Variants in RPSA2 observed in about 807,000 individuals in gnomAD.
The protein encoded by RPSA2 is small ribosomal subunit protein uS2B.
the RPSA2 span, chr19:23,808,928 G>T: frequency 3.3e-6 from 1 of 303,724 alleles, no homozygotes. Flanking sequence ...TTTCTGGAAA[G>T]CCTGAAATTT....
the RPSA2 span, among the ~76,000 whole-genome samples, chr19:23,762,195 C>T: frequency 7.1e-3 from 1,064 of 150,146 alleles, 14 homozygotes; most frequent in African/African-American, 0.025. Context: ...GGATTACAGG[C>T]GTGAGCCACC....
chr19:23,833,244 A>AG, the RPSA2 span: 1,160,416 of 1,165,770 alleles, frequency 1, 577,736 homozygotes, highest in East Asian at 1. Context: ...AATTTGGCAA[A>AG]CCTTTAATCC....
At chr19:23,758,842 G>A in the RPSA2 span, 15,842 of 1,573,354 alleles carry the variant, frequency 0.01, 90 homozygotes, top group Non-Finnish European at 0.012. Context: ...AGAAGAAGAG[G>A]ACACAGAGCA....
chr19:23,860,118 T>C, the RPSA2 span, among the ~76,000 whole-genome samples: 2 of 152,208 alleles, frequency 1.3e-5, no homozygotes, highest in African/African-American at 4.8e-5. Context: ...GTGTTCTCTC[T>C]GAAAACACAG....
the RPSA2 span, among the ~76,000 whole-genome samples, chr19:23,759,149 C>T: frequency 1.3e-5 from 2 of 152,046 alleles, no homozygotes; most frequent in Non-Finnish European, 2.9e-5. Flanking sequence ...TGTGTAAGGT[C>T]ACATGCATTT....
chr19:23,814,327 A>G, the RPSA2 span, among the ~76,000 whole-genome samples: 6 of 152,168 alleles, frequency 3.9e-5, no homozygotes, highest in South Asian at 1.2e-3. Flanking sequence ...AGTATGGATA[A>G]TTCAGTATGG....
the RPSA2 span, among the ~76,000 whole-genome samples, chr19:23,836,428 T>C: frequency 6.6e-6 from 1 of 152,104 alleles, no homozygotes; most frequent in Non-Finnish European, 1.5e-5. Context: ...TTGATGGGCA[T>C]TTTGGTTGGT....
chr19:23,773,150 G>C, the RPSA2 span, among the ~76,000 whole-genome samples: 1 of 151,428 alleles, frequency 6.6e-6, no homozygotes, highest in African/African-American at 2.4e-5. Context: ...AGGCTGGAGT[G>C]CAGTGGCACG....
At chr19:23,852,381 A>C in the RPSA2 span, among the ~76,000 whole-genome samples, 1 of 152,058 alleles carries the variant, frequency 6.6e-6, no homozygotes, top group Non-Finnish European at 1.5e-5. Flanking sequence ...TAGAGCTGTG[A>C]AGTGGGAAAT....
chr19:23,763,784 T>C, the RPSA2 span, among the ~76,000 whole-genome samples: 1 of 152,076 alleles, frequency 6.6e-6, no homozygotes, highest in Non-Finnish European at 1.5e-5. Context: ...CTCTTAAAAA[T>C]TAAAGGGAGT....
the RPSA2 span, among the ~76,000 whole-genome samples, chr19:23,864,388 A>G: frequency 6.6e-6 from 1 of 152,218 alleles, no homozygotes; most frequent in African/African-American, 2.4e-5. Context: ...TAATCTCACC[A>G]TAATAGATGG....
the RPSA2 span, among the ~76,000 whole-genome samples, chr19:23,787,347 A>C: frequency 5.0e-3 from 766 of 152,166 alleles, 10 homozygotes; most frequent in African/African-American, 0.018. Flanking sequence ...TCATGCCTGT[A>C]ATCCCAGTAC....
At chr19:23,853,859 C>A in the RPSA2 span, among the ~76,000 whole-genome samples, 2 of 152,180 alleles carry the variant, frequency 1.3e-5, no homozygotes, top group Non-Finnish European at 2.9e-5. Flanking sequence ...TTTTCCAACA[C>A]CTACTAGTCC....
At chr19:23,855,276 A>G in the RPSA2 span, among the ~76,000 whole-genome samples, 1 of 152,186 alleles carries the variant, frequency 6.6e-6, no homozygotes, top group Admixed American at 6.5e-5. Flanking sequence ...AAGGTATGCA[A>G]TTGTAAATGC....
At chr19:23,844,675 A>G in the RPSA2 span, among the ~76,000 whole-genome samples, 100 of 146,240 alleles carry the variant, frequency 6.8e-4, 1 homozygote, top group Non-Finnish European at 1.3e-3. Flanking sequence ...AAAACTTTTT[A>G]GTTTGAATCT....
At chr19:23,825,482 T>C in the RPSA2 span, among the ~76,000 whole-genome samples, 1 of 152,230 alleles carries the variant, frequency 6.6e-6, no homozygotes, top group African/African-American at 2.4e-5. Context: ...TGTTTTCCTG[T>C]ATACAAAAAT....
At chr19:23,819,748 T>C in the RPSA2 span, among the ~76,000 whole-genome samples, 148,941 of 152,266 alleles carry the variant, frequency 0.98, 72,937 homozygotes, top group Middle Eastern at 1. Flanking sequence ...GTACCTCACT[T>C]GGAGGAGGAC....
the RPSA2 span, among the ~76,000 whole-genome samples, chr19:23,819,869 A>T: frequency 6.6e-6 from 1 of 152,160 alleles, no homozygotes; most frequent in African/African-American, 2.4e-5. Context: ...TGTGGCCAGT[A>T]GGCTATGTGT....
At chr19:23,864,133 A>G in the RPSA2 span, among the ~76,000 whole-genome samples, 1 of 152,230 alleles carries the variant, frequency 6.6e-6, no homozygotes, top group Non-Finnish European at 1.5e-5. Flanking sequence ...ATTTGACAGC[A>G]TAGATCCCTA....
Sources: allele counts gnomAD v4.1 joint callset (sites outside exome capture counted in the v4.1 genomes callset), GRCh38; gene constraint gnomAD v4.1.1; transcripts MANE v1.5; gene names NCBI Gene and HGNC (gene_info 2026-07-23, HGNC 2026-07-21).